The following SLC16A1 variants were observed in gnomAD, a reference collection of about 807,000 sequenced individuals.
The protein encoded by SLC16A1 is solute carrier family 16 member 1.
In SLC16A1, 11 loss-of-function variants were observed where a neutral mutation model predicts 32.2. The observed-to-expected ratio is 0.34, with a 90% CI of 0.21 to 0.56. SLC16A1 has a LOEUF of 0.56. Ranked by LOEUF, SLC16A1 falls within the 20% of genes least tolerant of loss-of-function variation. The pLI is 0.87. For missense variants in SLC16A1, 435 were observed against 615.0 expected, an observed-to-expected ratio of 0.71 and a Z score of 3.10; for synonymous variants, 231 against 226.8, an observed-to-expected ratio of 1.02 and a Z score of -0.17.
chr1:112,923,132 C>T (rs960052381), intron 2 of SLC16A1, among the ~76,000 whole-genome samples: 6 of 151,626 alleles, frequency 4.0e-5, no homozygotes, highest in African/African-American at 1.2e-4. Flanking sequence ...CCAGCCTGAC[C>T]GACATGGAGA....
rs606231312 is a variant in SLC16A1, at chr1:112,917,915, A to AG, written c.490dup (p.Leu164ProfsTer46). ...AAAGATACCGAAGAAAACCTGATTGAGGGGGGCCAGAGTACAGAGGAACAC... is the reference window on the plus strand; with the variant it reads ...AAAGATACCGAAGAAAACCTGATTGAGGGGGGGCCAGAGTACAGAGGAACAC... On this transcript the variant is annotated frameshift_variant, in exon 4 of 5. Transcript: ENST00000369626. LOFTEE classifies it high-confidence loss of function. The surrounding 1 kb of genome is among the most constrained non-coding windows in gnomAD (Gnocchi z 4.1). The AG allele has an allele frequency of 4.4e-6, 7 of 1,605,990 alleles. No individual in the cohort carries two copies. The highest frequency in any genetic ancestry group is 5.9e-6 in the Non-Finnish European group (7 of 1,176,654).
intron 1 of SLC16A1, among the ~76,000 whole-genome samples, chr1:112,934,803 T>C (rs992681883): frequency 1.3e-5 from 2 of 152,178 alleles, no homozygotes; most frequent in Admixed American, 6.5e-5. Flanking sequence ...CTGTAGAATA[T>C]CTTTGTTGTT....
chr1:112,927,052 G>A (rs958722670), intron 2 of SLC16A1, among the ~76,000 whole-genome samples: 34 of 150,454 alleles, frequency 2.3e-4, no homozygotes, highest in African/African-American at 6.6e-4. Context: ...TTTGAGCCTC[G>A]GTGGCTGAGG....
At chr1:112,952,132 T>A (rs1649919140) in intron 1 of SLC16A1, among the ~76,000 whole-genome samples, 1 of 152,110 alleles carries the variant, frequency 6.6e-6, no homozygotes, top group South Asian at 2.1e-4. Context: ...TAGCTACCAA[T>A]TTACAAGAAA....
chr1:112,932,760 C>A (rs1649179203), intron 1 of SLC16A1, among the ~76,000 whole-genome samples: 1 of 140,604 alleles, frequency 7.1e-6, no homozygotes, highest in Non-Finnish European at 1.5e-5. Context: ...CGCCATTGCA[C>A]TCCAGCCTGG....
intron 1 of SLC16A1, among the ~76,000 whole-genome samples, chr1:112,931,907 A>G (rs999792490): frequency 2.0e-5 from 3 of 152,162 alleles, no homozygotes; most frequent in African/African-American, 7.2e-5. Flanking sequence ...GGTCCATTTC[A>G]AAGTACTTCC....
At chr1:112,931,444 G>A (rs1054305825) in intron 1 of SLC16A1, among the ~76,000 whole-genome samples, 3 of 151,764 alleles carry the variant, frequency 2.0e-5, no homozygotes, top group Admixed American at 6.6e-5. Flanking sequence ...TCAGGAGTTC[G>A]AGACCAACCT....
At chr1:112,928,715 T>A (rs1490357693) in intron 2 of SLC16A1, among the ~76,000 whole-genome samples, 1 of 152,222 alleles carries the variant, frequency 6.6e-6, no homozygotes, top group East Asian at 1.9e-4. Context: ...TGATTTATTT[T>A]AATCCTCCCA....
chr1:112,939,666 G>A (rs144197623), intron 1 of SLC16A1, among the ~76,000 whole-genome samples: 4 of 151,966 alleles, frequency 2.6e-5, no homozygotes, highest in African/African-American at 7.2e-5. Flanking sequence ...CCACCATGCC[G>A]GCCTAATTTT....
intron 1 of SLC16A1, among the ~76,000 whole-genome samples, chr1:112,943,862 T>C (rs926839239): frequency 3.9e-5 from 6 of 152,024 alleles, no homozygotes; most frequent in African/African-American, 1.4e-4. Flanking sequence ...ATCATCATTT[T>C]TAAAAAGTAT....
At chr1:112,944,704 CT>C (rs1012984333) in intron 1 of SLC16A1, among the ~76,000 whole-genome samples, 13 of 151,772 alleles carry the variant, frequency 8.6e-5, no homozygotes, top group African/African-American at 1.7e-4. Flanking sequence ...CAGAAACTTC[CT>C]TTTTTTTGAC....
chr1:112,915,061 CT>C (rs1648454712), intron 4 of SLC16A1, among the ~76,000 whole-genome samples: 1 of 152,168 alleles, frequency 6.6e-6, no homozygotes, highest in Non-Finnish European at 1.5e-5. Context: ...TTCCATATGG[CT>C]TTCTAACTCA....
At chr1:112,931,748 G>A (rs1369404680) in intron 1 of SLC16A1, among the ~76,000 whole-genome samples, 2 of 149,088 alleles carry the variant, frequency 1.3e-5, no homozygotes, top group African/African-American at 4.9e-5. Context: ...GTTAGAAAAT[G>A]TAACCTTCTG....
chr1:112,917,575 G>A lies in SLC16A1; in HGVS notation c.831C>T (p.Leu277=). The change falls in exon 4 of 5, where the codon CTC becomes CTT. Residue 277 remains leucine (L), a synonymous_variant. Coordinates refer to ENST00000369626, the MANE Select transcript of SLC16A1 (RefSeq NM_003051.4). The surrounding 1 kb of genome is among the most constrained non-coding windows in gnomAD (Gnocchi z 4.1). ...TACTAAGAAACACCAAAGGTGCAAA[G>A]AGTCCAAAAAACATGATCACATTTC... ...LSGNVIMFFG[L]FAPLVFLSSY... is the part of the protein sequence containing the mutation. 6.2e-7 allele frequency: 1 copy of A among 1,614,138 alleles called. No homozygotes were observed. The highest frequency in any genetic ancestry group is 2.2e-5 in the East Asian group (1 of 44,880).
chr1:112,924,765 T>C (rs1366255224), intron 2 of SLC16A1, among the ~76,000 whole-genome samples: 2 of 152,132 alleles, frequency 1.3e-5, no homozygotes, highest in Non-Finnish European at 2.9e-5. Flanking sequence ...TGCATGCCTG[T>C]AGTCCCAGCT....
chr1:112,923,216 G>A (rs1312866877), intron 2 of SLC16A1, among the ~76,000 whole-genome samples: 1 of 152,144 alleles, frequency 6.6e-6, no homozygotes, highest in Non-Finnish European at 1.5e-5. Context: ...CTACTCAGGA[G>A]GCTGAGGCAG....
At position 112,922,602 on chromosome 1, in the gene SLC16A1, C is replaced by T. The variant is rs1057251422; in HGVS notation, c.218-469G>A. 7.2e-5 allele frequency among the ~76,000 whole-genome samples: 11 copies of T among 152,148 alleles called. No homozygotes were observed. In the East Asian group the frequency reaches 1.8e-3, roughly 24 times the overall value. ...CAGCCTGGCCAACATGGCGAAACCC[C>T]GTCTCGACTAAAAATACAAAAATTA... On this transcript the variant is annotated intron_variant, in intron 2 of 4. Coordinates refer to ENST00000369626, the MANE Select transcript of SLC16A1 (RefSeq NM_003051.4).
intron 1 of SLC16A1, among the ~76,000 whole-genome samples, chr1:112,948,427 C>G (rs34749109): frequency 6.6e-6 from 1 of 152,058 alleles, no homozygotes; most frequent in Non-Finnish European, 1.5e-5. Flanking sequence ...TTAGACTATG[C>G]TGCCATTAAG....
At position 112,938,230 on chromosome 1, in the gene SLC16A1, G is replaced by A. The variant is rs567619270; in HGVS notation, c.-44-8878C>T. On this transcript the variant is annotated intron_variant, in intron 1 of 4. Coordinates refer to ENST00000369626, the MANE Select transcript of SLC16A1 (RefSeq NM_003051.4). ...TGTTAATGAGTGTAAACTAGTTTTA[G>A]GTTTCAAACACATGGAAACATTCAA... Among the ~76,000 whole-genome samples the A allele has an allele frequency of 2.6e-5, 4 of 152,214 alleles. No individual in the cohort carries two copies. The South Asian group carries it at 8.3e-4, about 32-fold the overall frequency.
Sources: allele counts gnomAD v4.1 joint callset (sites outside exome capture counted in the v4.1 genomes callset), GRCh38; gene constraint gnomAD v4.1.1; non-coding constraint Gnocchi (gnomAD v3.1); transcripts MANE v1.5; gene names NCBI Gene and HGNC (gene_info 2026-07-23, HGNC 2026-07-21).